The following ADGRF1 variants were observed in gnomAD, a reference collection of about 807,000 sequenced individuals.
ADGRF1 encodes adhesion G protein-coupled receptor F1.
A neutral mutation model predicts 87.2 loss-of-function variants in ADGRF1; 85 were observed. The ratio of observed to expected loss-of-function variants is 0.97; its 90% CI spans 0.82 to 1.17. The LOEUF is 1.17. ADGRF1 is among the 50% of genes most tolerant of loss of function. The pLI is 0.00. For missense variants in ADGRF1, 1,169 were observed against 1,077.2 expected, an observed-to-expected ratio of 1.09 and a Z score of -1.19; for synonymous variants, 430 against 408.8, an observed-to-expected ratio of 1.05 and a Z score of -0.63.
rs981485517 is a variant in ADGRF1, at chr6:46,998,947, C to T, written c.*1275G>A. On this transcript the variant is annotated 3_prime_UTR_variant, in exon 15 of 15. Coordinates refer to ENST00000371253, the MANE Select transcript of ADGRF1 (RefSeq NM_153840.4). ...CAGGTATGCTTATTTAATCTACCAC[C>T]ACTAACTAGAAGTTCCCCCAGCTGT... 6.6e-6 allele frequency: 1 copy of T among 152,228 alleles called. No homozygotes were observed. The highest frequency in any genetic ancestry group is 2.4e-5 in the African/African-American group (1 of 41,444). 9.4% of individuals were successfully genotyped at this position (152,228 alleles called of 1,614,324 possible).
At position 46,998,723 on chromosome 6, in the gene ADGRF1, G is replaced by T. The variant is rs1445841206; in HGVS notation, c.*1499C>A. 6.6e-6 allele frequency: 1 copy of T among 152,178 alleles called. No homozygotes were observed. The allele number at this position is 152,178 out of a possible 1,614,324, so 9.4% of individuals were successfully genotyped here. On this transcript the variant is annotated 3_prime_UTR_variant, in exon 15 of 15. Transcript: ENST00000371253. ...CATTCCTCCTTCTCTCACTTTTGTG[G>T]GTAGGTAGAGTGAGAAGGCTCATAG...
In ADGRF1 at chr6:47,027,752, C is replaced by A; in HGVS notation, c.79G>T (p.Gly27Cys). 1 of 1,571,860 alleles carries A rather than the reference C, an allele frequency of 6.4e-7. No homozygotes were observed. The highest frequency in any genetic ancestry group is 8.7e-7 in the Non-Finnish European group (1 of 1,144,510). ...ATGAGTTCTTTTTTTGTTTTGATGC[C>A]ATCATTTTTCTGTTAAAAAGAAAAA... is the stretch of plus-strand genomic sequence containing the variant. ...GHGGFLGKNDGIKTKKELIVN... is the reference protein window; with the variant it reads ...GHGGFLGKNDCIKTKKELIVN... Residue 27 changes from glycine to cysteine, a missense_variant, in exon 3 of 15, where the codon GGC becomes TGC. Coordinates refer to ENST00000371253, the MANE Select transcript of ADGRF1 (RefSeq NM_153840.4).
chr6:47,023,951 A>C, intron 5 of ADGRF1, 93 bp downstream of exon 5: 9 of 1,160,210 alleles, frequency 7.8e-6, no homozygotes, highest in Non-Finnish European at 1.1e-5. Flanking sequence ...CCTGTAAACA[A>C]ACATTGACTA....
In ADGRF1 at chr6:47,009,666, T is replaced by G; in HGVS notation, c.1769A>C (p.Tyr590Ser). The change falls in exon 11 of 15, where the codon TAT becomes TCT. Residue 590 changes from tyrosine (Y) to serine (S), a missense_variant. Coordinates refer to ENST00000371253, the MANE Select transcript of ADGRF1 (RefSeq NM_153840.4). The part of the protein sequence containing the change: ...TIFPVVKWIT[Y>S]VGLGISIGSL... ...TCCAATGGAGATACCCAGTCCCACATAGGTGATCCATTTTACAACGGGGAA... is the reference window on the plus strand; with the variant it reads ...TCCAATGGAGATACCCAGTCCCACAGAGGTGATCCATTTTACAACGGGGAA... The G allele has an allele frequency of 6.2e-7, 1 of 1,614,102 alleles. No homozygotes were observed. The highest frequency in any genetic ancestry group is 1.1e-5 in the South Asian group (1 of 91,084).
At position 47,029,014 on chromosome 6, in the gene ADGRF1, G is replaced by A. The variant is rs113958541; in HGVS notation, c.48C>T (p.Asp16=). The A allele has an allele frequency of 1.9e-3, 3,118 of 1,613,990 alleles. 49 individuals carry two copies. In the South Asian group the frequency reaches 0.023, roughly 12 times the overall value. Residue 16 remains aspartate, a synonymous_variant, in exon 2 of 15, where the codon GAC becomes GAT. Coordinates refer to ENST00000371253, the MANE Select transcript of ADGRF1 (RefSeq NM_153840.4). ...LWLISFFTFT[D]GHGGFLGKND... ...TCACCCCCAGGAAGCCACCGTGGCCGTCAGTGAAGGTGAAGAAAGAAATGA... is the reference window on the plus strand; with the variant it reads ...TCACCCCCAGGAAGCCACCGTGGCCATCAGTGAAGGTGAAGAAAGAAATGA...
chr6:47,003,409 T>C (rs1176869851), intron 13 of ADGRF1, among the ~76,000 whole-genome samples: 1 of 152,154 alleles, frequency 6.6e-6, no homozygotes, highest in Non-Finnish European at 1.5e-5. Flanking sequence ...CTGTAGAAAA[T>C]TCCCTTCCCT....
chr6:47,025,944 T>C lies in ADGRF1; in HGVS notation c.187A>G (p.Arg63Gly), dbSNP rs753000699. The C allele has an allele frequency of 5.6e-6, 9 of 1,611,804 alleles. No individual in the cohort carries two copies. In the African/African-American group the frequency reaches 1.2e-4, roughly 22 times the overall value. ...AGCTTCAGAAAATTTCTCAAATCTCTTTTCTCCTTGGAATCTCTATAGGTC... is the reference window on the plus strand; with the variant it reads ...AGCTTCAGAAAATTTCTCAAATCTCCTTTCTCCTTGGAATCTCTATAGGTC... ...QVTYRDSKEKRDLRNFLKLLK... is the reference protein window; with the variant it reads ...QVTYRDSKEKGDLRNFLKLLK... Residue 63 changes from arginine (R) to glycine (G), a missense_variant, in exon 4 of 15, where the codon AGA (arginine) becomes GGA (glycine). Coordinates refer to ENST00000371253, the MANE Select transcript of ADGRF1 (RefSeq NM_153840.4).
chr6:47,000,658 C>T (rs1582130472), intron 14 of ADGRF1, among the ~76,000 whole-genome samples: 1 of 152,216 alleles, frequency 6.6e-6, no homozygotes, highest in East Asian at 1.9e-4. Context: ...TGTAAAAAAG[C>T]GCTCAAGCTG....
intron 8 of ADGRF1, among the ~76,000 whole-genome samples, chr6:47,015,537 A>G (rs1779843432): frequency 6.6e-6 from 1 of 151,892 alleles, no homozygotes; most frequent in African/African-American, 2.4e-5. Flanking sequence ...CAGCCTCCCT[A>G]GTACCTGGGA....
intron 10 of ADGRF1, among the ~76,000 whole-genome samples, chr6:47,010,948 AC>A (rs1779686555): frequency 6.6e-6 from 1 of 151,536 alleles, no homozygotes; most frequent in Admixed American, 6.6e-5. Context: ...TTCCCACAGA[AC>A]CCCTTCTCTT....
chr6:47,027,581 A>T, intron 3 of ADGRF1, 123 bp downstream of exon 3: 1 of 647,678 alleles, frequency 1.5e-6, no homozygotes, highest in Non-Finnish European at 2.8e-6. Context: ...TTCTCCTTGT[A>T]CATATTTGGA....
At position 46,999,383 on chromosome 6, in the gene ADGRF1, T is replaced by C. The variant is rs1468535905; in HGVS notation, c.*839A>G. ...AAGATTTACTAGAGATGTAGGTAAT[T>C]TTCAAGGCTTTTATTGGCTGTAGAA... On this transcript the variant is annotated 3_prime_UTR_variant, in exon 15 of 15. Coordinates refer to ENST00000371253, the MANE Select transcript of ADGRF1 (RefSeq NM_153840.4). 6.6e-6 allele frequency: 1 copy of C among 152,030 alleles called. No homozygotes were observed. Among genetic ancestry groups the C allele is most frequent in the East Asian group, 1.9e-4 (1 of 5,198 alleles). 9.4% of individuals were successfully genotyped at this position (152,030 alleles called of 1,614,324 possible). A position where few individuals can be genotyped will look rare whatever the true frequency, so the allele number is the denominator to read the frequency against.
At chr6:47,032,078 ACTGTTTTAAGTAT>A (rs1429414784) in intron 1 of ADGRF1, among the ~76,000 whole-genome samples, 1 of 152,090 alleles carries the variant, frequency 6.6e-6, no homozygotes, top group Non-Finnish European at 1.5e-5. Context: ...GTTATTCTAG[ACTGTTTTAAGTAT>A]AGGAAAAACG....
At chr6:47,041,642 T>G (rs1014497013) in intron 1 of ADGRF1, among the ~76,000 whole-genome samples, 1 of 152,212 alleles carries the variant, frequency 6.6e-6, no homozygotes, top group African/African-American at 2.4e-5. Context: ...AAATGGTTAG[T>G]CAATTCTAGG....
At chr6:47,018,231 G>T in intron 7 of ADGRF1, 1 of 442,530 alleles carries the variant, frequency 2.3e-6, no homozygotes, top group Non-Finnish European at 3.7e-6. Context: ...GCATACAGAT[G>T]TGTTTGAAGA....
intron 7 of ADGRF1, 102 bp from the exon 8 acceptor site, chr6:47,016,870 A>G: frequency 7.3e-7 from 1 of 1,378,434 alleles, no homozygotes; most frequent in South Asian, 2.2e-5. Context: ...ATAGGAATAA[A>G]GTAAACAGAG....
In ADGRF1 at chr6:47,008,956, TG is replaced by T. The variant is rs745682112; in HGVS notation, c.2478del (p.Asn827MetfsTer30). 1.0e-5 allele frequency: 16 copies of T among 1,597,296 alleles called. No individual in the cohort carries two copies. In the African/African-American group the frequency reaches 2.0e-4, roughly 20 times the overall value. On this transcript the variant is annotated frameshift_variant, in exon 11 of 15. Transcript: ENST00000371253. LOFTEE classifies it high-confidence loss of function. ...NLAWHVIFAL[L>X]NAFQGFFILC... Reference sequence around the variant, plus strand: ...GTTACTGTTCTCACCTGGAATGCATTGAGTAAAGCAAAAATAACATGCCAAG... The same window carrying T: ...GTTACTGTTCTCACCTGGAATGCATTAGTAAAGCAAAAATAACATGCCAAG...
intron 4 of ADGRF1, 123 bp from the exon 5 acceptor site, chr6:47,024,340 T>C: frequency 2.8e-6 from 2 of 703,538 alleles, no homozygotes; most frequent in Non-Finnish European, 2.3e-6. Context: ...CTATGAGTTT[T>C]GTTTTGTTTT....
chr6:47,024,323 A>T, intron 4 of ADGRF1, 106 bp from the exon 5 acceptor site: 1 of 817,668 alleles, frequency 1.2e-6, no homozygotes, highest in Non-Finnish European at 1.9e-6. Context: ...TTAACTTCCT[A>T]CATCTTCTAT....
Sources: gnomAD v4.1 joint callset for allele counts (sites outside exome capture counted in the v4.1 genomes callset) on GRCh38, gnomAD v4.1.1 for gene constraint, MANE v1.5 for transcripts, NCBI Gene and HGNC (gene_info 2026-07-23, HGNC 2026-07-21) for gene names.